TMEM135: variants seen among roughly 807,000 people sequenced by gnomAD.
TMEM135 encodes the protein transmembrane protein 135.
A neutral mutation model predicts 60.3 loss-of-function variants in TMEM135; 30 were observed. The observed-to-expected ratio is 0.50, with a 90% confidence interval of 0.37 to 0.68. The LOEUF (loss-of-function observed/expected upper bound fraction) is 0.68. TMEM135 is among the 30% of genes least tolerant of loss of function. The pLI is 0.00. For missense variants in TMEM135, 468 were observed against 548.8 expected, an observed-to-expected ratio of 0.85 and a Z score of 1.47; for synonymous variants, 190 against 186.7, an observed-to-expected ratio of 1.02 and a Z score of -0.14.
intron 4 of TMEM135, chr11:87,094,978 A>G: frequency 6.2e-6 from 1 of 160,538 alleles, no homozygotes; most frequent in South Asian, 1.8e-4. Flanking sequence ...TTCTCCTGTA[A>G]TAGATATTTA....
intron 5 of TMEM135, among the ~76,000 whole-genome samples, chr11:87,229,222 A>G (rs1365341544): frequency 6.6e-6 from 1 of 152,078 alleles, no homozygotes; most frequent in Non-Finnish European, 1.5e-5. Context: ...CCATGTTTTC[A>G]TATAAATATA....
intron 6 of TMEM135, among the ~76,000 whole-genome samples, chr11:87,237,536 A>G (rs1941025721): frequency 1.3e-5 from 2 of 152,002 alleles, no homozygotes. Flanking sequence ...TTCTTTAAGA[A>G]TAAAACAATC....
chr11:87,069,145 G>T (rs1856725084), intron 2 of TMEM135, among the ~76,000 whole-genome samples: 2 of 151,660 alleles, frequency 1.3e-5, no homozygotes, highest in Admixed American at 6.6e-5. Flanking sequence ...AATTAGCCGG[G>T]CGTGGTGGCA....
intron 2 of TMEM135, among the ~76,000 whole-genome samples, chr11:87,070,310 G>C (rs531014722): frequency 2.6e-5 from 4 of 151,878 alleles, no homozygotes; most frequent in African/African-American, 9.7e-5. Context: ...AGGAACATAT[G>C]TTTTCAAGGA....
In TMEM135 at chr11:87,293,050, A is replaced by C. The variant is rs149279413; in HGVS notation, c.510-2732A>C. 1.1e-4 allele frequency among the ~76,000 whole-genome samples: 16 copies of C among 152,342 alleles called. No individual in the cohort carries two copies. The East Asian group carries it at 3.1e-3, about 29-fold the overall frequency. On this transcript the variant is annotated intron_variant, in intron 6 of 14. Coordinates refer to ENST00000305494, the MANE Select transcript of TMEM135 (RefSeq NM_022918.4). ...AGCCAAAATTTGTTCCCAGTTATACATAATCTTTTAATCAGTCTACTGCTT... is the reference window on the plus strand; with the variant it reads ...AGCCAAAATTTGTTCCCAGTTATACCTAATCTTTTAATCAGTCTACTGCTT...
intron 8 of TMEM135, among the ~76,000 whole-genome samples, chr11:87,304,650 C>T (rs994740401): frequency 2.0e-5 from 3 of 152,148 alleles, no homozygotes; most frequent in African/African-American, 7.2e-5. Flanking sequence ...GCTGTATGCT[C>T]CAGCTGTAGT....
At chr11:87,147,561 A>G (rs1391236048) in intron 4 of TMEM135, among the ~76,000 whole-genome samples, 1 of 152,156 alleles carries the variant, frequency 6.6e-6, no homozygotes, top group Non-Finnish European at 1.5e-5. Context: ...AACATAGAAA[A>G]TAACTAAAGA....
chr11:87,302,367 A>G lies in TMEM135; in HGVS notation c.623A>G (p.Gln208Arg). ...SPEAAYAKVE[Q>R]KREQHEEKPG... is the part of the protein sequence containing the mutation. ...GAGGCAGCATATGCAAAAGTGGAAC[A>G]AAAGAGAGAGCAACATGAGGAAAAA... The change falls in exon 8 of 15, where the codon CAA becomes CGA. Residue 208 changes from glutamine to arginine, a missense_variant. Coordinates refer to ENST00000305494, the MANE Select transcript of TMEM135 (RefSeq NM_022918.4). 1.2e-6 allele frequency: 2 copies of G among 1,613,988 alleles called. No individual in the cohort carries two copies. The highest frequency in any genetic ancestry group is 1.7e-5 in the Admixed American group (1 of 60,024).
intron 5 of TMEM135, among the ~76,000 whole-genome samples, chr11:87,234,457 T>G (rs534238132): frequency 2.0e-5 from 3 of 152,192 alleles, no homozygotes; most frequent in South Asian, 2.1e-4. Context: ...TTTTGATTTA[T>G]TCTCCTAATT....
intron 5 of TMEM135, among the ~76,000 whole-genome samples, chr11:87,158,260 T>C (rs2135268988): frequency 6.6e-6 from 1 of 152,240 alleles, no homozygotes; most frequent in African/African-American, 2.4e-5. Context: ...AAGTTTGATG[T>C]TATTTAATGT....
Position 87,321,161 on chromosome 11 carries a change from A to G in TMEM135, c.1245-40A>G, listed in dbSNP as rs180678432. ...TAAAATGAATTATTTTATTTTATAA[A>G]CTATATTAATACTTGTTTACTGTAT... On this transcript the variant is annotated intron_variant, in intron 14 of 14. Transcript: ENST00000305494. 4.8e-4 allele frequency: 737 copies of G among 1,530,032 alleles called. 3 individuals carry two copies. In the African/African-American group the frequency reaches 6.8e-3, roughly 14 times the overall value. The allele number at this position is 1,530,032 out of a possible 1,614,324, so 94.8% of individuals were successfully genotyped here. A position where few individuals can be genotyped will look rare whatever the true frequency, so the allele number is the denominator to read the frequency against.
intron 5 of TMEM135, among the ~76,000 whole-genome samples, chr11:87,186,002 G>T (rs570946): frequency 6.6e-6 from 1 of 150,474 alleles, no homozygotes; most frequent in African/African-American, 2.5e-5. Flanking sequence ...TGTCTCCCAG[G>T]TTCAAGTGAT....
chr11:87,056,682 T>C (rs921111887), intron 1 of TMEM135, among the ~76,000 whole-genome samples: 4 of 152,216 alleles, frequency 2.6e-5, no homozygotes, highest in Non-Finnish European at 5.9e-5. Flanking sequence ...TGTTATTTTT[T>C]AGTCAAGTAG....
chr11:87,056,733 T>G (rs1212483593), intron 1 of TMEM135, among the ~76,000 whole-genome samples: 1 of 152,196 alleles, frequency 6.6e-6, no homozygotes, highest in South Asian at 2.1e-4. Flanking sequence ...CAAATCATCC[T>G]TCCTGGGCTT....
intron 4 of TMEM135, among the ~76,000 whole-genome samples, chr11:87,122,261 C>T (rs896020318): frequency 2.0e-5 from 3 of 149,382 alleles, no homozygotes; most frequent in African/African-American, 7.4e-5. Flanking sequence ...TAAGTTATTT[C>T]GCAAAGACAA....
intron 1 of TMEM135, among the ~76,000 whole-genome samples, chr11:87,047,595 C>T (rs1949809255): frequency 8.3e-6 from 1 of 120,770 alleles, no homozygotes; most frequent in African/African-American, 3.6e-5. Context: ...CCGAATATTG[C>T]GCTTTTCAGA....
rs1942946355 is a variant in TMEM135 at position 87,328,458 on chromosome 11, C to G, written c.*7125C>G. The G allele has an allele frequency of 6.6e-6, 3 of 454,088 alleles. No homozygotes were observed. The highest frequency in any genetic ancestry group is 1.3e-5 in the Non-Finnish European group (3 of 226,780). The allele number at this position is 454,088 out of a possible 1,614,324, so 28.1% of individuals were successfully genotyped here. ...GTCTGAAATTTTAGTGCACCTGTCACCAGAATAGTGTGCATTGTACCCAAT... is the reference window on the plus strand; with the variant it reads ...GTCTGAAATTTTAGTGCACCTGTCAGCAGAATAGTGTGCATTGTACCCAAT... On this transcript the variant is annotated 3_prime_UTR_variant, in exon 15 of 15. Coordinates refer to ENST00000305494, the MANE Select transcript of TMEM135 (RefSeq NM_022918.4).
At chr11:87,096,118 G>GAAATAATATAAAA in intron 4 of TMEM135, 1 of 288,728 alleles carries the variant, frequency 3.5e-6, no homozygotes. Context: ...CCAATATAAA[G>GAAATAATATAAAA]AAAACCTACT....
intron 6 of TMEM135, among the ~76,000 whole-genome samples, chr11:87,282,775 C>T (rs1233432213): frequency 6.6e-6 from 1 of 152,166 alleles, no homozygotes; most frequent in Non-Finnish European, 1.5e-5. Context: ...GATGTATTTA[C>T]AATTTGATCA....
Sources: allele counts gnomAD v4.1 joint callset (sites outside exome capture counted in the v4.1 genomes callset), GRCh38; gene constraint gnomAD v4.1.1; transcripts MANE v1.5; gene names NCBI Gene and HGNC (gene_info 2026-07-23, HGNC 2026-07-21).